The following C10orf90 variants were observed in gnomAD, a reference collection of about 807,000 sequenced individuals.
The protein encoded by C10orf90 is chromosome 10 open reading frame 90.
A neutral mutation model predicts 62.5 loss-of-function variants in C10orf90; 56 were observed. The ratio of observed to expected loss-of-function variants is 0.90; its 90% CI spans 0.72 to 1.12. C10orf90 has a LOEUF of 1.12. Ranked by LOEUF, C10orf90 falls within the 50% of genes most tolerant of loss-of-function variation. The probability of loss-of-function intolerance (pLI) is 0.00; values close to 1 mark genes in which losing one functional copy is unlikely to be tolerated. For synonymous variants in C10orf90, 386 were observed against 340.4 expected, an observed-to-expected ratio of 1.13 and a Z score of -1.47; for missense variants, 970 against 880.4, an observed-to-expected ratio of 1.10 and a Z score of -1.29.
chr10:126,528,199 C>T (rs577876919), intron 2 of C10orf90, among the ~76,000 whole-genome samples: 18 of 152,102 alleles, frequency 1.2e-4, no homozygotes, highest in African/African-American at 3.9e-4. Flanking sequence ...AGCCATAGGC[C>T]GCGGGTCAAC....
At chr10:126,611,418 G>A (rs1845430937) in intron 2 of C10orf90, among the ~76,000 whole-genome samples, 1 of 151,724 alleles carries the variant, frequency 6.6e-6, no homozygotes, top group South Asian at 2.1e-4. Context: ...CATTTGAGCT[G>A]TTCCCATTTT....
chr10:126,458,394 C>T (rs1366532085), intron 7 of C10orf90, among the ~76,000 whole-genome samples: 2 of 152,158 alleles, frequency 1.3e-5, no homozygotes, highest in African/African-American at 4.8e-5. Context: ...TGATGTCCCC[C>T]ATCCTTACCC....
At chr10:126,661,385 T>C (rs1780264581) in intron 1 of C10orf90, among the ~76,000 whole-genome samples, 1 of 152,188 alleles carries the variant, frequency 6.6e-6, no homozygotes, top group Non-Finnish European at 1.5e-5. Context: ...TTCATATGAA[T>C]ACAGATGAGA....
intron 7 of C10orf90, among the ~76,000 whole-genome samples, chr10:126,439,318 T>C (rs552876703): frequency 2.6e-5 from 4 of 152,176 alleles, no homozygotes; most frequent in African/African-American, 7.2e-5. Flanking sequence ...ATGACTTTTT[T>C]CCCCCAATGA....
chr10:126,490,102 T>TATATA (rs1202606529), intron 4 of C10orf90, among the ~76,000 whole-genome samples: 1 of 113,886 alleles, frequency 8.8e-6, no homozygotes, highest in African/African-American at 4.7e-5. Context: ...TAATATATAA[T>TATATA]ATATATGTAT....
At chr10:126,496,342 C>T (rs1386707236) in intron 4 of C10orf90, among the ~76,000 whole-genome samples, 3 of 152,186 alleles carry the variant, frequency 2.0e-5, no homozygotes, top group Non-Finnish European at 4.4e-5. Context: ...ACCATATGGA[C>T]TCTTGGGAAT....
At chr10:126,585,711 T>C (rs955673117) in intron 2 of C10orf90, among the ~76,000 whole-genome samples, 7 of 152,162 alleles carry the variant, frequency 4.6e-5, no homozygotes, top group Admixed American at 3.9e-4. Flanking sequence ...AAAGGATTTA[T>C]GAATTGAAGA....
At chr10:126,567,203 C>A (rs878875388) in intron 2 of C10orf90, among the ~76,000 whole-genome samples, 2 of 152,140 alleles carry the variant, frequency 1.3e-5, no homozygotes, top group African/African-American at 2.4e-5. Flanking sequence ...AACTGGCTCA[C>A]GGTTCTGCAG....
chr10:126,614,969 C>T (rs1046195836), intron 2 of C10orf90, among the ~76,000 whole-genome samples: 4 of 152,212 alleles, frequency 2.6e-5, no homozygotes, highest in East Asian at 1.9e-4. Flanking sequence ...TCATTTTGTA[C>T]GTTAGCTGGC....
chr10:126,426,789 T>C (rs1857291424), intron 8 of C10orf90, among the ~76,000 whole-genome samples: 1 of 152,124 alleles, frequency 6.6e-6, no homozygotes, highest in African/African-American at 2.4e-5. Flanking sequence ...AACATCTTTC[T>C]CTCTCTCGTG....
At chr10:126,437,482 G>C (rs547403630) in intron 7 of C10orf90, among the ~76,000 whole-genome samples, 1 of 152,138 alleles carries the variant, frequency 6.6e-6, no homozygotes. Context: ...GAGGACCGCT[G>C]TTACCTTGAT....
intron 2 of C10orf90, among the ~76,000 whole-genome samples, chr10:126,541,233 G>C (rs978306507): frequency 2.0e-5 from 3 of 152,044 alleles, no homozygotes; most frequent in African/African-American, 7.2e-5. Context: ...CTTTAGAAAA[G>C]TGAGTAAATG....
At chr10:126,544,952 C>T (rs1332018174) in intron 2 of C10orf90, among the ~76,000 whole-genome samples, 1 of 152,170 alleles carries the variant, frequency 6.6e-6, no homozygotes, top group African/African-American at 2.4e-5. Flanking sequence ...TAGATTTTCC[C>T]ATCCTTGGTG....
chr10:126,542,714 C>T (rs111821635), intron 2 of C10orf90, among the ~76,000 whole-genome samples: 2,003 of 152,204 alleles, frequency 0.013, 45 homozygotes, highest in African/African-American at 0.045. Flanking sequence ...TACACACACA[C>T]ACCCCTATAA....
chr10:126,497,671 A>AG (rs557776351), intron 4 of C10orf90, among the ~76,000 whole-genome samples: 63 of 152,300 alleles, frequency 4.1e-4, no homozygotes, highest in African/African-American at 9.4e-4. Flanking sequence ...GCCCTGGAGC[A>AG]GGGGGGGTCA....
At chr10:126,463,920 A>T (rs1281906593) in intron 5 of C10orf90, among the ~76,000 whole-genome samples, 1 of 114,662 alleles carries the variant, frequency 8.7e-6, no homozygotes, top group South Asian at 3.0e-4. Context: ...AATGAATGAG[A>T]AGCTAGGGAT....
chr10:126,501,099 C>T (rs1290109744), intron 4 of C10orf90, among the ~76,000 whole-genome samples: 1 of 152,190 alleles, frequency 6.6e-6, no homozygotes, highest in Non-Finnish European at 1.5e-5. Flanking sequence ...AGATAGGATT[C>T]CAGTTTCAGA....
At chr10:126,544,654 T>G (rs1204363792) in intron 2 of C10orf90, among the ~76,000 whole-genome samples, 1 of 151,872 alleles carries the variant, frequency 6.6e-6, no homozygotes, top group African/African-American at 2.4e-5. Context: ...TAAAGAGGAA[T>G]GATAGATTTA....
At chr10:126,629,894 G>A (rs1028072494) in intron 2 of C10orf90, among the ~76,000 whole-genome samples, 1 of 152,168 alleles carries the variant, frequency 6.6e-6, no homozygotes, top group African/African-American at 2.4e-5. Flanking sequence ...GTGGGAGGGT[G>A]GGGTCTCCAG....
Sources: gnomAD v4.1 joint callset for allele counts (sites outside exome capture counted in the v4.1 genomes callset) on GRCh38, gnomAD v4.1.1 for gene constraint, MANE v1.5 for transcripts, NCBI Gene and HGNC (gene_info 2026-07-23, HGNC 2026-07-21) for gene names.